Variants in GTF2A1L observed in about 807,000 individuals in gnomAD.
The protein encoded by GTF2A1L is TFIIA-alpha and beta-like factor.
GTF2A1L carries 48 observed loss-of-function variants against 49.7 expected under a neutral mutation model. The observed-to-expected ratio is 0.97, with a 90% CI of 0.77 to 1.23. GTF2A1L has a LOEUF of 1.23. Among genes scored for constraint, GTF2A1L ranks in the 50% most tolerant of loss-of-function variants. The pLI, the probability that GTF2A1L is intolerant of heterozygous loss-of-function variation, is 0.00. For missense variants in GTF2A1L, 736 were observed against 564.8 expected, an observed-to-expected ratio of 1.30 and a Z score of -3.07; for synonymous variants, 246 against 193.5, an observed-to-expected ratio of 1.27 and a Z score of -2.25.
chr2:48,619,050 A>G (rs1350516266), intron 1 of GTF2A1L, among the ~76,000 whole-genome samples: 2 of 152,152 alleles, frequency 1.3e-5, no homozygotes, highest in East Asian at 3.8e-4. Flanking sequence ...GAAGCACCTA[A>G]TTTAGGGGCA....
chr2:48,677,879 A>G (rs1057034811), intron 8 of GTF2A1L, among the ~76,000 whole-genome samples: 6 of 151,876 alleles, frequency 4.0e-5, no homozygotes, highest in African/African-American at 1.4e-4. Context: ...TTTTGACTTG[A>G]GCTCTTAGAA....
At chr2:48,641,947 G>T (rs932769950) in intron 3 of GTF2A1L, among the ~76,000 whole-genome samples, 3 of 152,238 alleles carry the variant, frequency 2.0e-5, no homozygotes, top group Admixed American at 1.3e-4. Flanking sequence ...TTGCTTACTT[G>T]ACCAAAGTAC....
intron 8 of GTF2A1L, among the ~76,000 whole-genome samples, chr2:48,677,356 G>A (rs764256572): frequency 3.9e-5 from 6 of 151,920 alleles, no homozygotes; most frequent in Non-Finnish European, 8.8e-5. Flanking sequence ...TATTGAGAAT[G>A]TAATAGGGTA....
At chr2:48,636,866 G>T (rs369705935) in intron 3 of GTF2A1L, among the ~76,000 whole-genome samples, 4 of 152,074 alleles carry the variant, frequency 2.6e-5, no homozygotes, top group Non-Finnish European at 5.9e-5. Context: ...TTATTTCTAG[G>T]GGACTTCAAG....
chr2:48,634,047 C>T (rs1254082381), intron 3 of GTF2A1L, among the ~76,000 whole-genome samples: 1 of 152,072 alleles, frequency 6.6e-6, no homozygotes, highest in Non-Finnish European at 1.5e-5. Context: ...TTTTATCTAA[C>T]TTGCCACTTT....
chr2:48,638,827 T>C (rs1418452646), intron 3 of GTF2A1L, among the ~76,000 whole-genome samples: 1 of 152,160 alleles, frequency 6.6e-6, no homozygotes, highest in Non-Finnish European at 1.5e-5. Context: ...GAAAACTCTA[T>C]AGTCTCGGCC....
At chr2:48,650,012 T>A (rs1677756487) in intron 6 of GTF2A1L, among the ~76,000 whole-genome samples, 1 of 152,218 alleles carries the variant, frequency 6.6e-6, no homozygotes, top group East Asian at 1.9e-4. Flanking sequence ...TGCTTATTCA[T>A]TACTTCCTCC....
intron 6 of GTF2A1L, among the ~76,000 whole-genome samples, chr2:48,652,679 T>C (rs540966047): frequency 1.3e-5 from 2 of 151,420 alleles, no homozygotes; most frequent in African/African-American, 4.8e-5. Context: ...CTTATACTAA[T>C]TGACTTTATT....
intron 8 of GTF2A1L, among the ~76,000 whole-genome samples, chr2:48,679,010 G>C (rs147341267): frequency 3.1e-4 from 47 of 151,070 alleles, no homozygotes; most frequent in African/African-American, 1.1e-3. Context: ...TATGTATTAG[G>C]TTTCTGTCCT....
At position 48,629,214 on chromosome 2, in the gene GTF2A1L, C is replaced by G. The variant is rs1318540393; in HGVS notation, c.247+7924C>G. On this transcript the variant is annotated intron_variant, in intron 3 of 8. Coordinates refer to ENST00000403751, the MANE Select transcript of GTF2A1L (RefSeq NM_006872.5). ...CAAGATCATGTCACCGCACTCTAGC[C>G]TGGGCAACAGAGCGAGACTCCGTCT... 1.4e-5 allele frequency among the ~76,000 whole-genome samples: 2 copies of G among 141,930 alleles called. 1 individual carries two copies. Among genetic ancestry groups the G allele is most frequent in the Non-Finnish European group, 3.2e-5 (2 of 63,130 alleles). The allele number at this position is 141,930 out of a possible 152,430, so 93.1% of individuals were successfully genotyped here.
chr2:48,648,624 T>G (rs1335508634), intron 6 of GTF2A1L, among the ~76,000 whole-genome samples: 1 of 152,098 alleles, frequency 6.6e-6, no homozygotes, highest in African/African-American at 2.4e-5. Context: ...ATTTTAGTCT[T>G]TAAATTGGCC....
intron 3 of GTF2A1L, among the ~76,000 whole-genome samples, chr2:48,623,128 C>G (rs1205792350): frequency 6.6e-6 from 1 of 152,008 alleles, no homozygotes; most frequent in Non-Finnish European, 1.5e-5. Flanking sequence ...TAGGCTTGTT[C>G]CTGTCTCTCT....
At chr2:48,656,372 T>G (rs1285506885) in intron 6 of GTF2A1L, among the ~76,000 whole-genome samples, 3 of 150,054 alleles carry the variant, frequency 2.0e-5, no homozygotes, top group East Asian at 3.9e-4. Flanking sequence ...TTTTTTTTTT[T>G]TTTTTAATAA....
intron 3 of GTF2A1L, among the ~76,000 whole-genome samples, chr2:48,638,221 C>T (rs1677009155): frequency 6.6e-6 from 1 of 152,180 alleles, no homozygotes; most frequent in African/African-American, 2.4e-5. Context: ...TCCTCCCCAG[C>T]TAATTCTGTG....
At chr2:48,649,520 A>G (rs1056940335) in intron 6 of GTF2A1L, among the ~76,000 whole-genome samples, 1 of 152,190 alleles carries the variant, frequency 6.6e-6, no homozygotes, top group Non-Finnish European at 1.5e-5. Flanking sequence ...TCTATTCCTT[A>G]ATAATTGTAT....
intron 6 of GTF2A1L, among the ~76,000 whole-genome samples, chr2:48,657,787 A>T (rs751424274): frequency 1.3e-5 from 2 of 151,622 alleles, no homozygotes; most frequent in African/African-American, 4.9e-5. Context: ...ACTTTTTAAT[A>T]ATATCCATTC....
At chr2:48,677,402 A>T (rs1433928972) in intron 8 of GTF2A1L, among the ~76,000 whole-genome samples, 1 of 152,012 alleles carries the variant, frequency 6.6e-6, no homozygotes, top group South Asian at 2.1e-4. Flanking sequence ...AACTGTGAGG[A>T]TATTAGAGTG....
At chr2:48,654,264 C>T (rs1159837789) in intron 6 of GTF2A1L, among the ~76,000 whole-genome samples, 4 of 152,108 alleles carry the variant, frequency 2.6e-5, no homozygotes, top group African/African-American at 9.7e-5. Context: ...ATTATTTTGA[C>T]TTCTGCTTCA....
intron 7 of GTF2A1L, 139 bp from the exon 8 acceptor site, chr2:48,671,452 C>A: frequency 1.3e-6 from 1 of 743,278 alleles, no homozygotes; most frequent in Non-Finnish European, 2.1e-6. Flanking sequence ...AATCTGCCTG[C>A]CTAGGCCTCC....
Sources: allele counts gnomAD v4.1 joint callset (sites outside exome capture counted in the v4.1 genomes callset), GRCh38; gene constraint gnomAD v4.1.1; transcripts MANE v1.5; gene names NCBI Gene and HGNC (gene_info 2026-07-23, HGNC 2026-07-21).